The following ABHD17B variants were observed in gnomAD, a reference collection of about 807,000 sequenced individuals.
ABHD17B encodes abhydrolase domain containing 17B, depalmitoylase, also known as alpha/beta hydrolase domain-containing protein 17B.
A neutral mutation model predicts 26.2 loss-of-function variants in ABHD17B; 9 were observed. That is an observed-to-expected ratio of 0.34 (90% CI 0.21 to 0.60). The LOEUF is 0.60. Ranked by LOEUF, ABHD17B falls within the 20% of genes least tolerant of loss-of-function variation. ABHD17B has a pLI of 0.80. For synonymous variants in ABHD17B, 127 were observed against 122.3 expected (o/e 1.04, Z -0.25); for missense variants, 224 against 352.1 (o/e 0.64, Z 2.91).
intron 1 of ABHD17B, among the ~76,000 whole-genome samples, chr9:71,886,861 G>T (rs776026159): frequency 1.3e-5 from 2 of 151,824 alleles, no homozygotes; most frequent in East Asian, 3.9e-4. Context: ...TTTTAAACTC[G>T]GAGAAAAAAT....
At chr9:71,876,589 C>T (rs1826282110) in intron 1 of ABHD17B, among the ~76,000 whole-genome samples, 1 of 150,742 alleles carries the variant, frequency 6.6e-6, no homozygotes, top group South Asian at 2.1e-4. Flanking sequence ...GGTTTGGTGG[C>T]ATCCAATTTT....
At position 71,879,868 on chromosome 9, in the gene ABHD17B, C is replaced by A. The variant is rs547470296; in HGVS notation, c.-3-4785G>T. Among the ~76,000 whole-genome samples the A allele has an allele frequency of 7.2e-5, 11 of 152,238 alleles. 1 individual carries two copies. Among genetic ancestry groups the A allele is most frequent in the East Asian group, 1.9e-4 (1 of 5,188 alleles). ...AGGCATAGAATAGTTACATAAGTTG[C>A]CTAATGTCACAAATCTGATCAATGG... On this transcript the variant is annotated intron_variant, in intron 1 of 3. Transcript: ENST00000333421.
intron 1 of ABHD17B, 99 bp downstream of exon 1, chr9:71,910,535 C>T (rs1353926666): frequency 6.6e-6 from 1 of 152,326 alleles, no homozygotes; most frequent in African/African-American, 2.4e-5. Context: ...CCCCTCCCCC[C>T]GCCGGCCCGG....
At chr9:71,868,434 T>A (rs545807001) in intron 3 of ABHD17B, among the ~76,000 whole-genome samples, 7 of 152,290 alleles carry the variant, frequency 4.6e-5, no homozygotes, top group South Asian at 2.1e-4. Context: ...ACAAACACTT[T>A]TTTAAAAGGC....
intron 1 of ABHD17B, among the ~76,000 whole-genome samples, chr9:71,877,115 T>C (rs1826300168): frequency 6.6e-6 from 1 of 152,190 alleles, no homozygotes; most frequent in South Asian, 2.1e-4. Context: ...TAGTGATGTT[T>C]ACTATAGACT....
In ABHD17B at chr9:71,866,289, C is replaced by T. The variant is rs1825953087; in HGVS notation, c.*498G>A. The T allele has an allele frequency of 1.0e-6, 1 of 987,338 alleles. No homozygotes were observed. The allele number at this position is 987,338 out of a possible 1,614,324, so 61.2% of individuals were successfully genotyped here. On this transcript the variant is annotated 3_prime_UTR_variant, in exon 4 of 4. Coordinates refer to ENST00000333421, the MANE Select transcript of ABHD17B (RefSeq NM_001025780.3). ...ATAACTTTAAACCTCTATCCCTGTA[C>T]AACAGGGTTTAGGTTAATTCTAGTG...
intron 2 of ABHD17B, among the ~76,000 whole-genome samples, chr9:71,871,925 T>C (rs771428607): frequency 1.3e-5 from 2 of 152,134 alleles, no homozygotes; most frequent in Non-Finnish European, 2.9e-5. Context: ...GAAATTGGAG[T>C]TATTATGGAT....
At chr9:71,877,072 C>T (rs185241878) in intron 1 of ABHD17B, among the ~76,000 whole-genome samples, 2 of 152,264 alleles carry the variant, frequency 1.3e-5, no homozygotes, top group East Asian at 3.9e-4. Context: ...CTAAGGCATA[C>T]ACAGGGCTTA....
At chr9:71,909,739 A>C (rs1313755418) in intron 1 of ABHD17B, among the ~76,000 whole-genome samples, 1 of 152,246 alleles carries the variant, frequency 6.6e-6, no homozygotes, top group African/African-American at 2.4e-5. Context: ...AGCGAAATTT[A>C]AAGGTCACCC....
At chr9:71,876,170 A>G (rs1826270191) in intron 1 of ABHD17B, among the ~76,000 whole-genome samples, 1 of 152,256 alleles carries the variant, frequency 6.6e-6, no homozygotes, top group Admixed American at 6.5e-5. Context: ...AAAATCTACT[A>G]AAGGTAAACT....
At chr9:71,882,017 A>G (rs1564065900) in intron 1 of ABHD17B, among the ~76,000 whole-genome samples, 1 of 152,240 alleles carries the variant, frequency 6.6e-6, no homozygotes, top group Non-Finnish European at 1.5e-5. Context: ...AAGATGCTTA[A>G]CACCATCAGT....
intron 1 of ABHD17B, among the ~76,000 whole-genome samples, chr9:71,895,233 C>G (rs749452125): frequency 6.6e-6 from 1 of 152,186 alleles, no homozygotes; most frequent in Non-Finnish European, 1.5e-5. Flanking sequence ...TCCTCCCACC[C>G]CATTTACAGA....
chr9:71,891,829 T>C (rs1340939691), intron 1 of ABHD17B, among the ~76,000 whole-genome samples: 2 of 152,348 alleles, frequency 1.3e-5, no homozygotes, highest in South Asian at 4.1e-4. Flanking sequence ...GACCAGAAGA[T>C]ACTTTACAAA....
At chr9:71,896,909 C>T (rs546761201) in intron 1 of ABHD17B, among the ~76,000 whole-genome samples, 2 of 152,276 alleles carry the variant, frequency 1.3e-5, no homozygotes, top group African/African-American at 2.4e-5. Flanking sequence ...TCATTTCTCT[C>T]TTCTAGCAGC....
Position 71,866,797 on chromosome 9 carries a change from A to G in ABHD17B, c.857T>C (p.Val286Ala), listed in dbSNP as rs1273744154. The change falls in exon 4 of 4, where the codon GTA becomes GCA. Residue 286 changes from valine to alanine, a missense_variant. By Grantham distance (64) the Val-to-Ala change is moderately conservative. Coordinates refer to ENST00000333421, the MANE Select transcript of ABHD17B (RefSeq NM_001025780.3). ...AATTTACAGAATATTTTACAAATTT[A>G]CCAGTTCCTGTGACACAAACTGTTT... is the stretch of plus-strand genomic sequence containing the variant. ...RLKQFVSQEL[V>A]NL The G allele has an allele frequency of 1.9e-6, 3 of 1,614,198 alleles. No individual in the cohort carries two copies. The highest frequency in any genetic ancestry group is 4.5e-5 in the East Asian group (2 of 44,880).
intron 1 of ABHD17B, among the ~76,000 whole-genome samples, chr9:71,890,916 T>C (rs1238152724): frequency 6.6e-6 from 1 of 152,216 alleles, no homozygotes; most frequent in East Asian, 1.9e-4. Context: ...CACAGCCCAG[T>C]TGCCTGCCTA....
At chr9:71,869,973 T>TA in intron 3 of ABHD17B, 110 bp downstream of exon 3, 3 of 986,440 alleles carry the variant, frequency 3.0e-6, no homozygotes, top group Non-Finnish European at 4.5e-6. Flanking sequence ...TATGTGCTAA[T>TA]ATATATAAAA....
chr9:71,907,453 C>CG (rs940976288), intron 1 of ABHD17B, among the ~76,000 whole-genome samples: 32 of 152,050 alleles, frequency 2.1e-4, no homozygotes, highest in East Asian at 5.8e-4. Context: ...GGTTAGATAT[C>CG]GGGGGGAAAA....
At chr9:71,906,163 C>T (rs1827277268) in intron 1 of ABHD17B, among the ~76,000 whole-genome samples, 1 of 152,214 alleles carries the variant, frequency 6.6e-6, no homozygotes, top group South Asian at 2.1e-4. Context: ...GAAAAAAAAC[C>T]CACTAATGTC....
Sources: allele counts gnomAD v4.1 joint callset (sites outside exome capture counted in the v4.1 genomes callset), GRCh38; gene constraint gnomAD v4.1.1; transcripts MANE v1.5; gene names NCBI Gene and HGNC (gene_info 2026-07-23, HGNC 2026-07-21).